Variants in PHF11 observed in about 807,000 individuals in gnomAD.
PHF11 encodes the protein PHD finger protein 11, also known as BRCA1 C-terminus-associated protein.
A neutral mutation model predicts 40.5 loss-of-function variants in PHF11; 38 were observed. That is an observed-to-expected ratio of 0.94 (90% confidence interval 0.72 to 1.23). The LOEUF is 1.23. Ranked by LOEUF, PHF11 falls within the 50% of genes most tolerant of loss-of-function variation. The pLI is 0.00. For synonymous variants in PHF11, 127 were observed against 138.2 expected (o/e 0.92, Z 0.57); for missense variants, 369 against 392.4 (o/e 0.94, Z 0.50).
At chr13:49,515,453 T>TAC (rs1959138505) in intron 3 of PHF11, among the ~76,000 whole-genome samples, 1 of 98,830 alleles carries the variant, frequency 1.0e-5, no homozygotes, top group African/African-American at 4.3e-5. Flanking sequence ...TTCCATCTCC[T>TAC]ATACACACAC....
At chr13:49,517,598 G>GAGA (rs142903663) in intron 3 of PHF11, among the ~76,000 whole-genome samples, 6,281 of 152,244 alleles carry the variant, frequency 0.041, 437 homozygotes, top group African/African-American at 0.14. Flanking sequence ...GAGTCCGAAA[G>GAGA]AGAAATCACA....
At chr13:49,502,757 T>C (rs932151734) in intron 1 of PHF11, among the ~76,000 whole-genome samples, 1 of 152,250 alleles carries the variant, frequency 6.6e-6, no homozygotes, top group African/African-American at 2.4e-5. Context: ...AGTTTCACTC[T>C]TGTTGCCCAG....
chr13:49,504,531 G>A lies in PHF11; in HGVS notation c.95-2104G>A, dbSNP rs1440521986. The stretch of plus-strand genomic sequence containing the variant: ...AGGTGAGGGGCGCCTCTGCCTGGCC[G>A]CCCCTACTGGGAAGTGAGGAGCCCC... On this transcript the variant is annotated intron_variant, in intron 1 of 9. Transcript: ENST00000378319. Among the ~76,000 whole-genome samples the A allele has an allele frequency of 9.6e-5, 5 of 52,204 alleles. 1 individual carries two copies. Among genetic ancestry groups the A allele is most frequent in the Non-Finnish European group, 3.0e-4 (5 of 16,872 alleles). The allele number at this position is 52,204 out of a possible 152,430, so 34.2% of individuals were successfully genotyped here. A position where few individuals can be genotyped will look rare whatever the true frequency, so the allele number is the denominator to read the frequency against.
At chr13:49,511,214 A>G (rs1188072308) in intron 2 of PHF11, among the ~76,000 whole-genome samples, 2 of 152,000 alleles carry the variant, frequency 1.3e-5, no homozygotes, top group African/African-American at 4.8e-5. Context: ...CTGTTGGTAG[A>G]CATGTGTTAT....
At chr13:49,508,343 A>G (rs866268514) in intron 2 of PHF11, among the ~76,000 whole-genome samples, 1 of 137,190 alleles carries the variant, frequency 7.3e-6, no homozygotes, top group South Asian at 2.3e-4. Context: ...TTCATATATT[A>G]CTATATTCAT....
chr13:49,507,452 G>A (rs999013460), intron 2 of PHF11, among the ~76,000 whole-genome samples: 4 of 152,144 alleles, frequency 2.6e-5, no homozygotes, highest in African/African-American at 7.2e-5. Context: ...CTAACAAGTC[G>A]TCATGAACAT....
intron 1 of PHF11, among the ~76,000 whole-genome samples, chr13:49,502,412 G>A (rs961821643): frequency 6.6e-6 from 1 of 152,162 alleles, no homozygotes; most frequent in Non-Finnish European, 1.5e-5. Flanking sequence ...ATAAATGATT[G>A]TTGTAATTTC....
intron 1 of PHF11, 121 bp from the exon 2 acceptor site, chr13:49,506,514 C>A: frequency 1.2e-6 from 1 of 817,218 alleles, no homozygotes; most frequent in Non-Finnish European, 2.0e-6. Context: ...TTTTGTCTCT[C>A]TGGGAATTAA....
At chr13:49,521,374 G>A (rs1024691696) in intron 5 of PHF11, 125 of 988,006 alleles carry the variant, frequency 1.3e-4, no homozygotes, top group Non-Finnish European at 1.5e-4. Flanking sequence ...GGAGTCATGG[G>A]GTATACTTTC....
intron 1 of PHF11, among the ~76,000 whole-genome samples, chr13:49,496,830 C>CTTTTTTTTTT (rs34505707): frequency 6.8e-5 from 6 of 88,050 alleles, no homozygotes; most frequent in Non-Finnish European, 1.0e-4. Context: ...TGGGCTTACC[C>CTTTTTTTTTT]TTTTTTTTTT....
intron 8 of PHF11, chr13:49,525,623 A>C (rs1959239125): frequency 1.0e-5 from 3 of 293,140 alleles, no homozygotes; most frequent in South Asian, 8.8e-5. Context: ...TACAAGGACA[A>C]GCTGGACAGC....
At chr13:49,500,282 C>A (rs1282666769) in intron 1 of PHF11, among the ~76,000 whole-genome samples, 1 of 152,210 alleles carries the variant, frequency 6.6e-6, no homozygotes, top group Non-Finnish European at 1.5e-5. Flanking sequence ...TTGGTCCCAG[C>A]TACTGATGAA....
In PHF11 at chr13:49,511,734, C is replaced by A. The variant is rs76423055; in HGVS notation, c.217-1325C>A. On this transcript the variant is annotated intron_variant, in intron 2 of 9. Transcript: ENST00000378319. ...TTTTTCTAAAGTATTTTTAAATGAGCTATTATCAGTATATATGAACACTAT... is the reference window on the plus strand; with the variant it reads ...TTTTTCTAAAGTATTTTTAAATGAGATATTATCAGTATATATGAACACTAT... Among the ~76,000 whole-genome samples the A allele has an allele frequency of 4.3e-3, 650 of 152,266 alleles. 6 individuals are homozygous for A. The highest frequency in any genetic ancestry group is 0.015 in the African/African-American group (621 of 41,562).
rs1491587127 is a variant in PHF11 at position 49,501,017 on chromosome 13, G to GTTTTTTTTTTTTTTTTTTTTTT, written c.94+4933_94+4934insTTTTTTTTTTTTTTTTTTTTTT. ...CAACTTTTGTTTTTTTTTTTTTTTG[G>GTTTTTTTTTTTTTTTTTTTTTT]TTTTTTTTTTTCTGAAATGGAGTTT... On this transcript the variant is annotated intron_variant, in intron 1 of 9. Transcript: ENST00000378319. Among the ~76,000 whole-genome samples the GTTTTTTTTTTTTTTTTTTTTTT allele has an allele frequency of 1.0e-4, 11 of 108,826 alleles. 2 individuals are homozygous for GTTTTTTTTTTTTTTTTTTTTTT. The highest frequency in any genetic ancestry group is 1.4e-4 in the Non-Finnish European group (8 of 58,308). 71.4% of individuals were successfully genotyped at this position (108,826 alleles called of 152,430 possible). A position where few individuals can be genotyped will look rare whatever the true frequency, so the allele number is the denominator to read the frequency against.
intron 8 of PHF11, 136 bp from the exon 9 acceptor site, chr13:49,526,251 T>C: frequency 1.6e-6 from 1 of 612,096 alleles, no homozygotes; most frequent in Non-Finnish European, 3.0e-6. Context: ...CTGCTGCTGC[T>C]GTTGCCATCT....
At chr13:49,506,379 T>G (rs1199762123) in intron 1 of PHF11, among the ~76,000 whole-genome samples, 1 of 152,138 alleles carries the variant, frequency 6.6e-6, no homozygotes, top group African/African-American at 2.4e-5. Context: ...CTCTTGTCTC[T>G]ACATTTTAAA....
chr13:49,508,344 C>G (rs535186535), intron 2 of PHF11, among the ~76,000 whole-genome samples: 1 of 134,436 alleles, frequency 7.4e-6, no homozygotes, highest in Non-Finnish European at 1.6e-5. Context: ...TCATATATTA[C>G]TATATTCATA....
intron 4 of PHF11, among the ~76,000 whole-genome samples, chr13:49,520,578 T>C (rs1258435951): frequency 1.3e-5 from 2 of 152,220 alleles, no homozygotes; most frequent in African/African-American, 2.4e-5. Context: ...TGTGGATCTT[T>C]AGGTATCTTT....
intron 9 of PHF11, 38 bp from the exon 10 acceptor site, chr13:49,528,472 CT>C: frequency 7.2e-7 from 1 of 1,392,730 alleles, no homozygotes; most frequent in Non-Finnish European, 1.0e-6. Context: ...AATAAAACTA[CT>C]GAATAAGCTG....
Sources: allele counts gnomAD v4.1 joint callset (sites outside exome capture counted in the v4.1 genomes callset), GRCh38; gene constraint gnomAD v4.1.1; transcripts MANE v1.5; gene names NCBI Gene and HGNC (gene_info 2026-07-23, HGNC 2026-07-21).